Variants in SOX5 observed in about 807,000 individuals in gnomAD.
SOX5 encodes SRY-box transcription factor 5.
SOX5 carries 9 observed loss-of-function variants against 92.0 expected under a neutral mutation model. The ratio of observed to expected loss-of-function variants is 0.10; its 90% CI spans 0.06 to 0.17. The LOEUF is 0.17. Among genes scored for constraint, SOX5 ranks in the 10% least tolerant of loss-of-function variants. The pLI is 1.00. For synonymous variants in SOX5, 344 were observed against 336.3 expected (o/e 1.02, Z -0.25); for missense variants, 642 against 944.5 (o/e 0.68, Z 4.20).
intron 6 of SOX5, among the ~76,000 whole-genome samples, chr12:23,706,375 T>C (rs2091392321): frequency 6.6e-6 from 1 of 152,114 alleles, no homozygotes. Flanking sequence ...AGTCAATTGC[T>C]GGATAAATTC....
intron 1 of SOX5, among the ~76,000 whole-genome samples, chr12:24,426,428 C>T (rs1005858696): frequency 3.9e-5 from 6 of 152,146 alleles, no homozygotes; most frequent in Admixed American, 3.9e-4. Context: ...CAAACCTGCA[C>T]GTTGTGCACA....
intron 4 of SOX5, among the ~76,000 whole-genome samples, chr12:24,003,569 G>A (rs1052438284): frequency 6.6e-6 from 1 of 151,766 alleles, no homozygotes; most frequent in Non-Finnish European, 1.5e-5. Context: ...GCATCAAAAA[G>A]AATAAAACAT....
chr12:23,662,867 T>A (rs1303067785), intron 7 of SOX5, among the ~76,000 whole-genome samples: 1 of 152,216 alleles, frequency 6.6e-6, no homozygotes, highest in Non-Finnish European at 1.5e-5. Flanking sequence ...CAACAAATAG[T>A]ATATCTTTCA....
At chr12:24,208,765 C>T (rs528797380) in intron 4 of SOX5, among the ~76,000 whole-genome samples, 4 of 152,210 alleles carry the variant, frequency 2.6e-5, no homozygotes, top group Non-Finnish European at 5.9e-5. Flanking sequence ...GAGAACAAGA[C>T]AGGTTTACTT....
intron 4 of SOX5, among the ~76,000 whole-genome samples, chr12:24,152,405 G>T (rs1047879525): frequency 2.6e-5 from 4 of 152,068 alleles, no homozygotes; most frequent in Non-Finnish European, 5.9e-5. Flanking sequence ...TCAGAGTGGG[G>T]TGTCCCCAGA....
intron 4 of SOX5, among the ~76,000 whole-genome samples, chr12:24,185,779 A>G (rs781691192): frequency 2.6e-5 from 4 of 152,218 alleles, no homozygotes; most frequent in Non-Finnish European, 5.9e-5. Flanking sequence ...TAGACATTCC[A>G]TAATAAATGT....
chr12:23,972,978 C>T (rs1405806031), intron 4 of SOX5, among the ~76,000 whole-genome samples: 1 of 151,950 alleles, frequency 6.6e-6, no homozygotes, highest in African/African-American at 2.4e-5. Context: ...CTTACCACTC[C>T]CTCCCCCCAA....
intron 3 of SOX5, among the ~76,000 whole-genome samples, chr12:24,240,297 CTGTT>C (rs909632835): frequency 5.9e-5 from 9 of 152,152 alleles, no homozygotes; most frequent in Non-Finnish European, 1.5e-5. Context: ...TCTACTCTGT[CTGTT>C]GTAACGCCTC....
intron 6 of SOX5, among the ~76,000 whole-genome samples, chr12:23,710,200 T>A (rs2091899227): frequency 6.6e-6 from 1 of 152,158 alleles, no homozygotes; most frequent in Admixed American, 6.5e-5. Context: ...TTATATGTGG[T>A]ACATAATTTG....
chr12:24,398,397 G>T (rs986379269), intron 1 of SOX5, among the ~76,000 whole-genome samples: 1 of 152,132 alleles, frequency 6.6e-6, no homozygotes, highest in Non-Finnish European at 1.5e-5. Context: ...CCAGCTACTC[G>T]AGAGGCTGAG....
Position 24,463,186 on chromosome 12 carries a change from G to A in SOX5, c.-250-94547C>T, listed in dbSNP as rs530316061. Reference sequence around the variant, plus strand: ...CATGCCACTTCACTCCAGCCTGGGTGACATAGTGAGACCTTGTTTCAAAAA... The same window carrying A: ...CATGCCACTTCACTCCAGCCTGGGTAACATAGTGAGACCTTGTTTCAAAAA... On this transcript the variant is annotated intron_variant, in intron 1 of 4. Transcript: ENST00000446891. 9.2e-5 allele frequency among the ~76,000 whole-genome samples: 14 copies of A among 151,354 alleles called. No individual in the cohort carries two copies. The South Asian group carries it at 2.7e-3, about 29-fold the overall frequency.
intron 1 of SOX5, among the ~76,000 whole-genome samples, chr12:24,399,967 G>T (rs376160198): frequency 1.0e-3 from 156 of 152,208 alleles, no homozygotes; most frequent in South Asian, 6.0e-3. Flanking sequence ...CTACAATAAG[G>T]TTTTCATATT....
intron 3 of SOX5, among the ~76,000 whole-genome samples, chr12:23,815,233 G>A (rs1200501873): frequency 6.6e-6 from 1 of 152,120 alleles, no homozygotes; most frequent in Admixed American, 6.6e-5. Flanking sequence ...AGGAGAAAAT[G>A]ATAGAAATAA....
chr12:23,636,326 A>G (rs924362140), intron 8 of SOX5, among the ~76,000 whole-genome samples: 1 of 152,186 alleles, frequency 6.6e-6, no homozygotes, highest in African/African-American at 2.4e-5. Context: ...TGATTTTTCT[A>G]CATGAACAAT....
chr12:23,971,548 T>TATAG (rs201815186), intron 4 of SOX5, among the ~76,000 whole-genome samples: 2 of 149,846 alleles, frequency 1.3e-5, no homozygotes, highest in Non-Finnish European at 3.0e-5. Context: ...TATATATATA[T>TATAG]TAAATTAAAT....
chr12:24,382,982 C>T lies in SOX5; in HGVS notation c.-250-14343G>A, dbSNP rs142925609. On this transcript the variant is annotated intron_variant, in intron 1 of 4. Coordinates refer to the SOX5 transcript ENST00000446891. ...GATACGTGTGTCTGGAGTTTAGAAA[C>T]GAGGTTGCAATGTAAAAGAAATGTA... Among the ~76,000 whole-genome samples, 396 of 152,198 alleles carry T rather than the reference C, an allele frequency of 2.6e-3. 5 individuals are homozygous for T. Among genetic ancestry groups the T allele is most frequent in the African/African-American group, 8.7e-3 (360 of 41,518 alleles).
chr12:23,724,827 T>C (rs1386976428), intron 6 of SOX5, among the ~76,000 whole-genome samples: 1 of 152,144 alleles, frequency 6.6e-6, no homozygotes, highest in Non-Finnish European at 1.5e-5. Flanking sequence ...ACTCAGCACG[T>C]TCCCAGCAAC....
intron 4 of SOX5, among the ~76,000 whole-genome samples, chr12:23,989,843 A>G (rs980765202): frequency 1.3e-5 from 2 of 152,138 alleles, no homozygotes; most frequent in African/African-American, 4.8e-5. Flanking sequence ...TGTTGTTCAA[A>G]CTACCCAGTT....
chr12:24,317,676 G>C (rs1480610124), intron 2 of SOX5, among the ~76,000 whole-genome samples: 1 of 152,114 alleles, frequency 6.6e-6, no homozygotes, highest in Non-Finnish European at 1.5e-5. Flanking sequence ...CTTTGTTAAT[G>C]CTGACAACAG....
Sources: gnomAD v4.1 joint callset for allele counts (sites outside exome capture counted in the v4.1 genomes callset) on GRCh38, gnomAD v4.1.1 for gene constraint, MANE v1.5 for transcripts, NCBI Gene and HGNC (gene_info 2026-07-23, HGNC 2026-07-21) for gene names.